TMEM131L: variants seen among roughly 807,000 people sequenced by gnomAD.
The protein encoded by TMEM131L is transmembrane protein 131-like.
TMEM131L carries 54 observed loss-of-function variants against 192.2 expected under a neutral mutation model. The observed-to-expected ratio is 0.28, with a 90% CI of 0.23 to 0.35. TMEM131L has a LOEUF of 0.35. TMEM131L is among the 10% of genes least tolerant of loss of function. The probability of loss-of-function intolerance (pLI) is 1.00; values close to 1 mark genes in which losing one functional copy is unlikely to be tolerated. For missense variants in TMEM131L, 1,888 were observed against 1,972.9 expected, an observed-to-expected ratio of 0.96 and a Z score of 0.82; for synonymous variants, 701 against 704.9, an observed-to-expected ratio of 0.99 and a Z score of 0.09.
chr4:153,522,457 C>T (rs774800017), intron 3 of TMEM131L, among the ~76,000 whole-genome samples: 7 of 152,048 alleles, frequency 4.6e-5, no homozygotes, highest in Non-Finnish European at 8.8e-5. Flanking sequence ...GGCAGTGCTG[C>T]GGGCAGAGGG....
Position 153,570,642 on chromosome 4 carries a change from C to T in TMEM131L, c.661-10184C>T, listed in dbSNP as rs74816806. 9.8e-3 allele frequency among the ~76,000 whole-genome samples: 1,494 copies of T among 152,204 alleles called. 16 individuals are homozygous for T. The highest frequency in any genetic ancestry group is 0.01 in the Non-Finnish European group (705 of 68,022). Reference sequence around the variant, plus strand: ...TTGGGCCCTTGTTTCTGGCATCTCCCGGCACTTTTGTGCTAGTGGTATGGA... The same window carrying T: ...TTGGGCCCTTGTTTCTGGCATCTCCTGGCACTTTTGTGCTAGTGGTATGGA... On this transcript the variant is annotated intron_variant, in intron 7 of 34. Coordinates refer to ENST00000409959, the MANE Select transcript of TMEM131L (RefSeq NM_001131007.2).
At chr4:153,590,283 T>C (rs1046776461) in intron 16 of TMEM131L, among the ~76,000 whole-genome samples, 5 of 152,242 alleles carry the variant, frequency 3.3e-5, no homozygotes, top group Non-Finnish European at 7.3e-5. Flanking sequence ...TGGATTTTTC[T>C]GATTGTTTCC....
In TMEM131L at chr4:153,555,303, T is replaced by C. The variant is rs762601721; in HGVS notation, c.309-484T>C. Among the ~76,000 whole-genome samples, 17 of 152,222 alleles carry C rather than the reference T, an allele frequency of 1.1e-4. No individual in the cohort carries two copies. The East Asian group carries it at 2.3e-3, about 21-fold the overall frequency. On this transcript the variant is annotated intron_variant, in intron 4 of 34. Coordinates refer to ENST00000409959, the MANE Select transcript of TMEM131L (RefSeq NM_001131007.2). This position sits in a 1 kb window ranked among gnomAD's most constrained non-coding sequence, Gnocchi z 4.1. ...TCAGAAAACATAACCCTAAGAAAAA[T>C]TGGGTTTTTCTGTGAGTACAGTTTC...
chr4:153,545,168 C>T (rs146223095), intron 3 of TMEM131L, among the ~76,000 whole-genome samples: 19 of 152,260 alleles, frequency 1.2e-4, no homozygotes, highest in South Asian at 8.3e-4. Context: ...ATGCAGCTTG[C>T]TCATTTTGTT....
Position 153,486,847 on chromosome 4 carries a change from C to T in TMEM131L, c.239+12959C>T, listed in dbSNP as rs149970158. ...GGGTTTAGTCATAGGGAGCACAACCCGGCTTTGCCTAAGTGGGAGGAAGGG... is the reference window on the plus strand; with the variant it reads ...GGGTTTAGTCATAGGGAGCACAACCTGGCTTTGCCTAAGTGGGAGGAAGGG... On this transcript the variant is annotated intron_variant, in intron 3 of 34. Coordinates refer to ENST00000409959, the MANE Select transcript of TMEM131L (RefSeq NM_001131007.2). Among the ~76,000 whole-genome samples, 379 of 152,326 alleles carry T rather than the reference C, an allele frequency of 2.5e-3. 3 individuals are homozygous for T. The highest frequency in any genetic ancestry group is 8.8e-3 in the African/African-American group (367 of 41,566).
intron 3 of TMEM131L, among the ~76,000 whole-genome samples, chr4:153,527,281 TG>T (rs141690300): frequency 6.6e-6 from 1 of 151,798 alleles, no homozygotes; most frequent in Non-Finnish European, 1.5e-5. Flanking sequence ...TTTTTCTTTG[TG>T]GGGGGGCGGT....
rs777714839 is a variant in TMEM131L at position 153,604,401 on chromosome 4, A to T, written c.3389A>T (p.Asp1130Val). ...PRNSPQYHQP[D>V]LPEISRKNNG... ...AACTCACCTCAGTACCACCAGCCAG[A>T]CTTGCCAGAAATTTCCAGGAAAAAT... Residue 1130 changes from aspartate to valine, a missense_variant, in exon 25 of 35, where the codon GAC (aspartate) becomes GTC (valine). By Grantham distance (152) the Asp-to-Val change is radical. Transcript: ENST00000409959. The T allele has an allele frequency of 1.9e-6, 3 of 1,599,132 alleles. No homozygotes were observed. The highest frequency in any genetic ancestry group is 2.6e-6 in the Non-Finnish European group (3 of 1,175,222).
chr4:153,488,701 G>C (rs528448622), intron 3 of TMEM131L, among the ~76,000 whole-genome samples: 2 of 152,230 alleles, frequency 1.3e-5, no homozygotes, highest in Non-Finnish European at 2.9e-5. Flanking sequence ...GTCTAACGAA[G>C]TGCCACAAAC....
chr4:153,496,601 C>T (rs1340950307), intron 3 of TMEM131L, among the ~76,000 whole-genome samples: 1 of 151,106 alleles, frequency 6.6e-6, no homozygotes, highest in African/African-American at 2.4e-5. Flanking sequence ...TTCTGTTGGC[C>T]AGGTTGGAGT....
chr4:153,553,477 G>C (rs1737786173), intron 4 of TMEM131L, among the ~76,000 whole-genome samples: 1 of 150,606 alleles, frequency 6.6e-6, no homozygotes. Flanking sequence ...AAAAACCTCA[G>C]AACAAACTTT....
At chr4:153,552,035 C>T (rs1010672215) in intron 4 of TMEM131L, among the ~76,000 whole-genome samples, 1 of 151,790 alleles carries the variant, frequency 6.6e-6, no homozygotes, top group Non-Finnish European at 1.5e-5. Flanking sequence ...ATGGCAAAAC[C>T]CGTGACTCTA....
intron 3 of TMEM131L, among the ~76,000 whole-genome samples, chr4:153,522,341 T>C (rs886548494): frequency 2.6e-5 from 4 of 152,154 alleles, no homozygotes; most frequent in Non-Finnish European, 4.4e-5. Flanking sequence ...CTAACTTCCA[T>C]TGTGTGCAGA....
At chr4:153,548,792 G>A (rs1455056825) in intron 3 of TMEM131L, among the ~76,000 whole-genome samples, 1 of 152,130 alleles carries the variant, frequency 6.6e-6, no homozygotes, top group African/African-American at 2.4e-5. Context: ...TCTCTGCATT[G>A]TTTGTACCTT....
chr4:153,534,461 T>C (rs1408398136), intron 3 of TMEM131L, among the ~76,000 whole-genome samples: 1 of 151,808 alleles, frequency 6.6e-6, no homozygotes, highest in Non-Finnish European at 1.5e-5. Flanking sequence ...TGAGACAGAG[T>C]CTTGCTCTGT....
intron 21 of TMEM131L, among the ~76,000 whole-genome samples, chr4:153,600,339 C>T (rs1412678083): frequency 1.3e-5 from 2 of 149,334 alleles, no homozygotes; most frequent in Non-Finnish European, 3.0e-5. Flanking sequence ...TGCACTCCAG[C>T]GTGGGTGACA....
intron 2 of TMEM131L, among the ~76,000 whole-genome samples, chr4:153,467,528 G>T (rs1276038202): frequency 6.6e-6 from 1 of 152,270 alleles, no homozygotes; most frequent in African/African-American, 2.4e-5. Flanking sequence ...GGCCACCTCA[G>T]CAGGGAAGCG....
At chr4:153,482,890 C>T (rs926863910) in intron 3 of TMEM131L, among the ~76,000 whole-genome samples, 2 of 152,148 alleles carry the variant, frequency 1.3e-5, no homozygotes, top group Non-Finnish European at 2.9e-5. Context: ...CGTGTCCAGT[C>T]CCTAAAAACA....
chr4:153,585,258 T>C (rs547527272), intron 12 of TMEM131L, among the ~76,000 whole-genome samples, 200 bp from the exon 13 acceptor site: 1 of 152,352 alleles, frequency 6.6e-6, no homozygotes, highest in South Asian at 2.1e-4. Context: ...GGCCGCAGCC[T>C]GGTTGCTTCC....
Position 153,621,668 on chromosome 4 carries a change from G to A in TMEM131L, c.3693-15G>A, listed in dbSNP as rs758876099. The A allele has an allele frequency of 3.1e-6, 5 of 1,609,814 alleles. No individual in the cohort carries two copies. The South Asian group carries it at 3.3e-5, about 11-fold the overall frequency. On this transcript the variant is annotated splice_polypyrimidine_tract_variant and intron_variant, in intron 27 of 34. Coordinates refer to ENST00000409959, the MANE Select transcript of TMEM131L (RefSeq NM_001131007.2). ...AATACAGATGTGTTTTTTTGTGTGTGTGTGTCTTTTCCAGGCCTCCTGAAC... is the reference window on the plus strand; with the variant it reads ...AATACAGATGTGTTTTTTTGTGTGTATGTGTCTTTTCCAGGCCTCCTGAAC...
Sources: gnomAD v4.1 joint callset for allele counts (sites outside exome capture counted in the v4.1 genomes callset) on GRCh38, gnomAD v4.1.1 for gene constraint, Gnocchi (gnomAD v3.1) non-coding constraint, MANE v1.5 for transcripts, NCBI Gene and HGNC (gene_info 2026-07-23, HGNC 2026-07-21) for gene names.